The following ATE1 variants were observed in gnomAD, a reference collection of about 807,000 sequenced individuals.
ATE1 encodes the protein arginyltransferase 1, also known as arginyl-tRNA--protein transferase 1.
ATE1 carries 36 observed loss-of-function variants against 70.5 expected under a neutral mutation model. The ratio of observed to expected loss-of-function variants is 0.51; its 90% CI spans 0.39 to 0.67. The LOEUF is 0.67. Ranked by LOEUF, ATE1 falls within the 30% of genes least tolerant of loss-of-function variation. The pLI is 0.00. For missense variants in ATE1, 593 were observed against 629.5 expected, an observed-to-expected ratio of 0.94 and a Z score of 0.62; for synonymous variants, 232 against 219.3, an observed-to-expected ratio of 1.06 and a Z score of -0.51.
chr10:121,924,184 C>G, intron 2 of ATE1, 82 bp downstream of exon 2: 1 of 1,336,332 alleles, frequency 7.5e-7, no homozygotes, highest in Non-Finnish European at 1.1e-6. Flanking sequence ...CTCTTTCCAA[C>G]AGGAAAGCAT....
At position 121,887,567 on chromosome 10, in the gene ATE1, G is replaced by A. The variant is rs559647068; in HGVS notation, c.942+12299C>T. Reference sequence around the variant, plus strand: ...AAAAAAATTTAAAAATTAGCTGGATGTAGTGATGTGCACCTGTACTCCTAG... The same window carrying A: ...AAAAAAATTTAAAAATTAGCTGGATATAGTGATGTGCACCTGTACTCCTAG... On this transcript the variant is annotated intron_variant, in intron 7 of 11. Transcript: ENST00000224652. 8.2e-4 allele frequency among the ~76,000 whole-genome samples: 125 copies of A among 152,138 alleles called. 3 individuals are homozygous for A. In the South Asian group the frequency reaches 0.026, roughly 31 times the overall value.
intron 11 of ATE1, among the ~76,000 whole-genome samples, chr10:121,769,154 T>C (rs139069162): frequency 2.0e-5 from 3 of 152,274 alleles, no homozygotes; most frequent in African/African-American, 7.2e-5. Context: ...TTTAAAAATA[T>C]AGATACAGAA....
intron 7 of ATE1, 141 bp downstream of exon 7, chr10:121,899,725 A>G: frequency 8.0e-7 from 1 of 1,257,614 alleles, no homozygotes; most frequent in South Asian, 2.0e-5. Flanking sequence ...ATGTCCATTA[A>G]TTCAGTCTTA....
intron 6 of ATE1, among the ~76,000 whole-genome samples, chr10:121,901,647 G>A (rs190468461): frequency 6.6e-6 from 1 of 152,090 alleles, no homozygotes; most frequent in East Asian, 1.9e-4. Context: ...GTAGAGACGG[G>A]GTTTCACTGT....
intron 5 of ATE1, among the ~76,000 whole-genome samples, chr10:121,907,774 A>G (rs1055589839): frequency 2.0e-5 from 3 of 152,148 alleles, no homozygotes; most frequent in Non-Finnish European, 2.9e-5. Context: ...GTCTCGAAAA[A>G]AAAAAAAGAT....
intron 11 of ATE1, among the ~76,000 whole-genome samples, chr10:121,752,234 GTT>G (rs767272285): frequency 2.5e-5 from 3 of 122,210 alleles, no homozygotes; most frequent in Non-Finnish European, 3.4e-5. Flanking sequence ...TATTTCTAAG[GTT>G]TTTTTTTTTT....
At chr10:121,873,047 A>C (rs1335312180) in intron 7 of ATE1, among the ~76,000 whole-genome samples, 3 of 152,082 alleles carry the variant, frequency 2.0e-5, no homozygotes, top group African/African-American at 7.2e-5. Flanking sequence ...TTATCTTCCT[A>C]TGTACCCACT....
At chr10:121,857,460 T>C (rs560399989) in intron 8 of ATE1, among the ~76,000 whole-genome samples, 12 of 152,364 alleles carry the variant, frequency 7.9e-5, no homozygotes, top group African/African-American at 2.6e-4. Context: ...TATGGCTGCA[T>C]AGTATTCCAT....
chr10:121,770,270 A>ACACACG (rs1456687696), intron 11 of ATE1, among the ~76,000 whole-genome samples: 2 of 151,532 alleles, frequency 1.3e-5, no homozygotes, highest in Non-Finnish European at 3.0e-5. Flanking sequence ...ACACACACAC[A>ACACACG]CACAGACATA....
At chr10:121,824,211 A>C (rs1364304655) in intron 10 of ATE1, among the ~76,000 whole-genome samples, 1 of 152,222 alleles carries the variant, frequency 6.6e-6, no homozygotes, top group Admixed American at 6.5e-5. Context: ...ACATCAAGAA[A>C]ACATGCTGAA....
intron 10 of ATE1, among the ~76,000 whole-genome samples, chr10:121,821,001 G>A (rs1384502812): frequency 1.3e-5 from 2 of 152,284 alleles, no homozygotes; most frequent in African/African-American, 2.4e-5. Flanking sequence ...GAGCGCAGTG[G>A]CGCAATCTCG....
chr10:121,927,896 C>T lies in ATE1; in HGVS notation c.54G>A (p.Glu18=). ...TGCAGTAGCCGCAGCGGTAGAAGTCCTCGCTAGGGAAATAGTCCACGACGC... is the reference window on the plus strand; with the variant it reads ...TGCAGTAGCCGCAGCGGTAGAAGTCTTCGCTAGGGAAATAGTCCACGACGC... ...SPSVVDYFPS[E]DFYRCGYCKN... is the part of the protein sequence containing the mutation. Residue 18 remains glutamate, a synonymous_variant, in exon 1 of 12, where the codon GAG becomes GAA. Transcript: ENST00000224652. The T allele has an allele frequency of 1.9e-6, 3 of 1,593,288 alleles. No homozygotes were observed. The highest frequency in any genetic ancestry group is 2.0e-4 in the Middle Eastern group (1 of 4,966).
chr10:121,874,832 C>T (rs572496311), intron 7 of ATE1, among the ~76,000 whole-genome samples: 1 of 151,586 alleles, frequency 6.6e-6, no homozygotes, highest in Admixed American at 6.6e-5. Flanking sequence ...GGTGAAACCC[C>T]GTCTCTACTA....
intron 7 of ATE1, among the ~76,000 whole-genome samples, chr10:121,888,655 G>T (rs937738738): frequency 6.6e-6 from 1 of 151,084 alleles, no homozygotes; most frequent in Non-Finnish European, 1.5e-5. Context: ...AAATGTGTCC[G>T]TATGTTTACC....
chr10:121,808,671 G>A (rs1020634445), intron 10 of ATE1, among the ~76,000 whole-genome samples: 5 of 152,246 alleles, frequency 3.3e-5, no homozygotes, highest in Middle Eastern at 6.8e-3. Context: ...CTTATTTTAA[G>A]TGAACAGGGC....
At chr10:121,788,970 A>T (rs750868911) in intron 11 of ATE1, among the ~76,000 whole-genome samples, 1 of 152,184 alleles carries the variant, frequency 6.6e-6, no homozygotes, top group Non-Finnish European at 1.5e-5. Flanking sequence ...TGGTACTTAG[A>T]CTACAGGGAG....
intron 11 of ATE1, among the ~76,000 whole-genome samples, chr10:121,784,032 A>G (rs898574937): frequency 1.3e-5 from 2 of 152,230 alleles, no homozygotes; most frequent in Non-Finnish European, 2.9e-5. Context: ...TGCTGGGATC[A>G]CAGGTGTGAG....
chr10:121,928,194 T>G, upstream of ATE1: 1 of 1,310,820 alleles, frequency 7.6e-7, no homozygotes. Flanking sequence ...TCAGTGAGGG[T>G]GAGGCGGAGA....
chr10:121,768,477 G>T (rs1001342710), intron 11 of ATE1, among the ~76,000 whole-genome samples: 9 of 152,254 alleles, frequency 5.9e-5, no homozygotes, highest in Admixed American at 3.9e-4. Context: ...GCTGGGCAGG[G>T]GAGGGGGGAA....
Sources: gnomAD v4.1 joint callset for allele counts (sites outside exome capture counted in the v4.1 genomes callset) on GRCh38, gnomAD v4.1.1 for gene constraint, MANE v1.5 for transcripts, NCBI Gene and HGNC (gene_info 2026-07-23, HGNC 2026-07-21) for gene names.